The following LSM3 variants were observed in gnomAD, a reference collection of about 807,000 sequenced individuals.
The protein encoded by LSM3 is U6 snRNA-associated Sm-like protein LSm3.
In LSM3, 14 loss-of-function variants were observed where a neutral mutation model predicts 15.4. The ratio of observed to expected loss-of-function variants is 0.91; its 90% CI spans 0.60 to 1.42. The LOEUF is 1.42. Ranked by LOEUF, LSM3 falls within the 40% of genes most tolerant of loss-of-function variation. The pLI, the probability that LSM3 is intolerant of heterozygous loss-of-function variation, is 0.00. For missense variants in LSM3, 88 were observed against 127.9 expected (o/e 0.69, Z 1.50); for synonymous variants, 46 against 45.1 (o/e 1.02, Z -0.08).
intron 1 of LSM3, among the ~76,000 whole-genome samples, chr3:14,179,832 C>T (rs1024144124): frequency 6.6e-6 from 1 of 152,204 alleles, no homozygotes; most frequent in East Asian, 1.9e-4. Flanking sequence ...CAGTGGGCAT[C>T]CCAGACAGAG....
At chr3:14,178,915 C>G (rs377267602) in intron 1 of LSM3, 34 bp downstream of exon 1, 1 of 1,612,786 alleles carries the variant, frequency 6.2e-7, no homozygotes. Context: ...CTCGAAGGAG[C>G]TTCTTGTACT....
In LSM3 at chr3:14,199,771, A is replaced by T. The variant is rs1697218871; in HGVS notation, c.*1655A>T. 1.3e-5 allele frequency: 2 copies of T among 152,176 alleles called. No homozygotes were observed. The allele number at this position is 152,176 out of a possible 1,614,324, so 9.4% of individuals were successfully genotyped here. On this transcript the variant is annotated 3_prime_UTR_variant, in exon 4 of 4. Transcript: ENST00000306024. ...CTCCTGCAGAATGTTAGAAGAAACAACCTCAAAGACCTCAGGCCGCCTGTG... is the reference window on the plus strand; with the variant it reads ...CTCCTGCAGAATGTTAGAAGAAACATCCTCAAAGACCTCAGGCCGCCTGTG...
chr3:14,194,640 A>G (rs534886453), intron 3 of LSM3, among the ~76,000 whole-genome samples: 13 of 152,182 alleles, frequency 8.5e-5, no homozygotes, highest in African/African-American at 2.6e-4. Context: ...ATTCTATTTC[A>G]TTACAAGGAC....
At chr3:14,181,998 C>A (rs1005773886) in intron 2 of LSM3, among the ~76,000 whole-genome samples, 4 of 151,978 alleles carry the variant, frequency 2.6e-5, no homozygotes, top group Non-Finnish European at 5.9e-5. Context: ...AGTTAAACAG[C>A]ACAAAAATAT....
intron 3 of LSM3, among the ~76,000 whole-genome samples, chr3:14,188,592 A>G (rs1428150440): frequency 6.6e-6 from 1 of 152,142 alleles, no homozygotes; most frequent in East Asian, 1.9e-4. Context: ...CTTTATGCAT[A>G]TGCTAATGAG....
intron 2 of LSM3, among the ~76,000 whole-genome samples, chr3:14,183,315 G>T (rs1021099022): frequency 5.9e-5 from 9 of 152,216 alleles, no homozygotes; most frequent in African/African-American, 2.2e-4. Flanking sequence ...TTAGTAAAAT[G>T]AATGAACTTT....
intron 3 of LSM3, among the ~76,000 whole-genome samples, chr3:14,192,330 T>C (rs775089033): frequency 3.3e-5 from 5 of 152,238 alleles, no homozygotes; most frequent in Non-Finnish European, 7.3e-5. Context: ...AAATCCTGAA[T>C]ATCCTTGTTA....
At chr3:14,186,096 AAGACAGGT>A (rs1697086190) in intron 3 of LSM3, among the ~76,000 whole-genome samples, 1 of 152,108 alleles carries the variant, frequency 6.6e-6, no homozygotes, top group Non-Finnish European at 1.5e-5. Context: ...GTTTTTAGTA[AAGACAGGT>A]TTCACCATGT....
intron 3 of LSM3, among the ~76,000 whole-genome samples, chr3:14,197,628 G>A (rs918360448): frequency 2.0e-5 from 3 of 152,206 alleles, no homozygotes; most frequent in East Asian, 3.9e-4. Flanking sequence ...CAGTGGCTCT[G>A]CCATCCCCTG....
intron 3 of LSM3, 125 bp from the exon 4 acceptor site, chr3:14,197,911 G>T (rs979495827): frequency 1.4e-6 from 1 of 725,062 alleles, no homozygotes; most frequent in African/African-American, 1.8e-5. Flanking sequence ...ACCAAGGGAA[G>T]TGATCAGGTT....
chr3:14,187,049 C>G (rs897752346), intron 3 of LSM3, among the ~76,000 whole-genome samples: 3 of 152,184 alleles, frequency 2.0e-5, no homozygotes, highest in Non-Finnish European at 4.4e-5. Context: ...ACAGAAATGA[C>G]TCTTCAACTG....
intron 3 of LSM3, among the ~76,000 whole-genome samples, chr3:14,192,414 C>CTT (rs1697148898): frequency 6.6e-6 from 1 of 152,176 alleles, no homozygotes; most frequent in Admixed American, 6.5e-5. Context: ...GTGTGGGAGT[C>CTT]TAAGTCTCTT....
At chr3:14,181,522 C>A in intron 1 of LSM3, 38 bp from the exon 2 acceptor site, 1 of 1,318,298 alleles carries the variant, frequency 7.6e-7, no homozygotes, top group Non-Finnish European at 1.1e-6. Flanking sequence ...ACTACTCTGA[C>A]TCTAGTACTA....
At chr3:14,193,059 ACT>A (rs1469015344) in intron 3 of LSM3, among the ~76,000 whole-genome samples, 6 of 151,528 alleles carry the variant, frequency 4.0e-5, no homozygotes, top group African/African-American at 1.5e-4. Flanking sequence ...TGGTTATGAA[ACT>A]CTGGGTTGAT....
At chr3:14,181,538 C>T (rs1559390419) in intron 1 of LSM3, 22 bp from the exon 2 acceptor site, 2 of 1,476,048 alleles carry the variant, frequency 1.4e-6, no homozygotes, top group South Asian at 1.1e-5. Flanking sequence ...TACTACATTA[C>T]TAATCCTGTT....
At chr3:14,181,499 C>A (rs1365322433) in intron 1 of LSM3, 61 bp from the exon 2 acceptor site, 3 of 1,040,628 alleles carry the variant, frequency 2.9e-6, no homozygotes, top group Non-Finnish European at 3.0e-6. Flanking sequence ...CACAGCATAG[C>A]AGTGATTTAA....
chr3:14,196,746 C>T (rs138860117), intron 3 of LSM3, among the ~76,000 whole-genome samples: 4 of 152,294 alleles, frequency 2.6e-5, no homozygotes, highest in South Asian at 4.1e-4. Context: ...AAATGGGGTC[C>T]GCAGAGCTTT....
At chr3:14,179,986 C>T (rs908412049) in intron 1 of LSM3, among the ~76,000 whole-genome samples, 1 of 152,178 alleles carries the variant, frequency 6.6e-6, no homozygotes, top group Non-Finnish European at 1.5e-5. Context: ...GTTATCTGAT[C>T]CTTTAACAAA....
intron 3 of LSM3, among the ~76,000 whole-genome samples, chr3:14,195,034 C>T (rs533212577): frequency 7.2e-5 from 11 of 152,082 alleles, no homozygotes; most frequent in African/African-American, 9.7e-5. Context: ...TCAGCAGTCA[C>T]AGATGTGCAG....
Sources: allele counts gnomAD v4.1 joint callset (sites outside exome capture counted in the v4.1 genomes callset), GRCh38; gene constraint gnomAD v4.1.1; transcripts MANE v1.5; gene names NCBI Gene and HGNC (gene_info 2026-07-23, HGNC 2026-07-21).